The following PEX5L variants were observed in gnomAD, a reference collection of about 807,000 sequenced individuals.
PEX5L encodes the protein peroxisomal biogenesis factor 5 like.
In PEX5L, 30 loss-of-function variants were observed where a neutral mutation model predicts 84.0. The observed-to-expected ratio is 0.36, with a 90% CI of 0.27 to 0.48. The LOEUF is 0.48. Among genes scored for constraint, PEX5L ranks in the 20% least tolerant of loss-of-function variants. The pLI is 0.99. For missense variants in PEX5L, 533 were observed against 754.6 expected (o/e 0.71, Z 3.44); for synonymous variants, 270 against 283.1 (o/e 0.95, Z 0.46).
At chr3:180,014,158 A>G (rs1362617037) in intron 1 of PEX5L, among the ~76,000 whole-genome samples, 1 of 152,218 alleles carries the variant, frequency 6.6e-6, no homozygotes, top group Non-Finnish European at 1.5e-5. Context: ...TTAGAAAATT[A>G]TTAGCTGAGG....
intron 1 of PEX5L, among the ~76,000 whole-genome samples, chr3:180,018,683 A>G (rs1306978004): frequency 6.6e-6 from 1 of 152,180 alleles, no homozygotes; most frequent in African/African-American, 2.4e-5. Context: ...TGCTGCTCTG[A>G]AATGAAAAAT....
chr3:179,977,332 G>A (rs964139544), intron 1 of PEX5L, among the ~76,000 whole-genome samples: 4 of 152,250 alleles, frequency 2.6e-5, no homozygotes, highest in East Asian at 1.9e-4. Context: ...TTAAACGCTC[G>A]TAGAGATACA....
intron 12 of PEX5L, among the ~76,000 whole-genome samples, chr3:179,808,803 C>T (rs1372513229): frequency 1.3e-5 from 2 of 152,000 alleles, no homozygotes; most frequent in African/African-American, 2.4e-5. Flanking sequence ...CTAGGCCGGG[C>T]GTGGTGGCTC....
chr3:179,999,663 G>A (rs1446352871), intron 1 of PEX5L, among the ~76,000 whole-genome samples: 1 of 152,204 alleles, frequency 6.6e-6, no homozygotes, highest in Non-Finnish European at 1.5e-5. Context: ...TGCCTATTCT[G>A]CATGCAATGC....
intron 4 of PEX5L, among the ~76,000 whole-genome samples, chr3:179,883,875 TG>T (rs1754930166): frequency 6.6e-6 from 1 of 152,242 alleles, no homozygotes; most frequent in South Asian, 2.1e-4. Context: ...CTACAGCTCT[TG>T]GAACAGCACT....
At chr3:179,994,362 T>C (rs1190197424) in intron 1 of PEX5L, among the ~76,000 whole-genome samples, 1 of 152,252 alleles carries the variant, frequency 6.6e-6, no homozygotes, top group African/African-American at 2.4e-5. Context: ...GTGTGATGTC[T>C]TCTGGTTGTG....
chr3:179,823,014 T>C (rs1288174524), intron 8 of PEX5L, among the ~76,000 whole-genome samples: 1 of 152,308 alleles, frequency 6.6e-6, no homozygotes, highest in East Asian at 1.9e-4. Flanking sequence ...GGTTAGTTGT[T>C]ATGACAACTA....
In PEX5L at chr3:179,841,981, G is replaced by A. The variant is rs189545037; in HGVS notation, c.822+17081C>T. Among the ~76,000 whole-genome samples the A allele has an allele frequency of 3.8e-4, 58 of 152,258 alleles. No homozygotes were observed. The Middle Eastern group carries it at 0.017, about 45-fold the overall frequency. ...TTCGTCATGTCATAAATGTTCCTTG[G>A]CAGTCAGCATACTTTAGTGGATTTA... On this transcript the variant is annotated intron_variant, in intron 8 of 14. Coordinates refer to ENST00000467460, the MANE Select transcript of PEX5L (RefSeq NM_016559.3).
At chr3:179,865,932 A>C (rs1747970001) in intron 7 of PEX5L, among the ~76,000 whole-genome samples, 1 of 152,172 alleles carries the variant, frequency 6.6e-6, no homozygotes, top group African/African-American at 2.4e-5. Context: ...AATGTACTCT[A>C]ATGTAGGCAT....
At chr3:179,884,438 T>G (rs1755131285) in intron 4 of PEX5L, among the ~76,000 whole-genome samples, 1 of 152,196 alleles carries the variant, frequency 6.6e-6, no homozygotes, top group Admixed American at 6.5e-5. Context: ...CACCAAATTG[T>G]AGGTGCCCTC....
intron 4 of PEX5L, 91 bp downstream of exon 4, chr3:179,887,582 C>T: frequency 1.2e-6 from 1 of 813,286 alleles, no homozygotes; most frequent in Non-Finnish European, 2.1e-6. Context: ...AACGTTCTTT[C>T]CTCACTTAAA....
intron 9 of PEX5L, among the ~76,000 whole-genome samples, chr3:179,816,245 G>A (rs1023287788): frequency 9.2e-5 from 14 of 152,178 alleles, no homozygotes; most frequent in African/African-American, 3.4e-4. Context: ...CCATTACTGA[G>A]TATATACCCA....
intron 1 of PEX5L, chr3:179,973,871 C>G: frequency 1.0e-6 from 1 of 985,484 alleles, no homozygotes; most frequent in Non-Finnish European, 1.2e-6. Context: ...TGTACTTAAA[C>G]CTCTAGTCTC....
intron 8 of PEX5L, among the ~76,000 whole-genome samples, chr3:179,847,425 C>T (rs1189338755): frequency 6.6e-6 from 1 of 151,970 alleles, no homozygotes; most frequent in Non-Finnish European, 1.5e-5. Flanking sequence ...ACGGGTTGCC[C>T]TCATGGAAAA....
At chr3:179,972,272 T>C (rs1316695927) in intron 1 of PEX5L, among the ~76,000 whole-genome samples, 2 of 151,976 alleles carry the variant, frequency 1.3e-5, no homozygotes, top group Non-Finnish European at 2.9e-5. Context: ...TTTAAGAGTT[T>C]ATGTAAATGC....
rs527248975 is a variant in PEX5L, at chr3:179,987,056, A to G, written c.22-15391T>C. Among the ~76,000 whole-genome samples, 83 of 152,234 alleles carry G rather than the reference A, an allele frequency of 5.5e-4. 3 individuals carry two copies. The South Asian group carries it at 0.017, about 31-fold the overall frequency. The stretch of plus-strand genomic sequence containing the variant: ...GCTATGTACCAGTTGTATGGCTTTG[A>G]GCAAATTGTTTACCTTTCTGTGCCT... On this transcript the variant is annotated intron_variant, in intron 1 of 14. Coordinates refer to ENST00000467460, the MANE Select transcript of PEX5L (RefSeq NM_016559.3).
chr3:179,933,802 T>C (rs775349412), intron 2 of PEX5L, among the ~76,000 whole-genome samples: 9 of 152,238 alleles, frequency 5.9e-5, no homozygotes, highest in Non-Finnish European at 1.0e-4. Flanking sequence ...CCCTCAGATA[T>C]TCTGATTCAG....
chr3:180,035,960 T>C (rs375003718), intron 1 of PEX5L, among the ~76,000 whole-genome samples: 10 of 152,220 alleles, frequency 6.6e-5, no homozygotes, highest in African/African-American at 2.4e-4. Flanking sequence ...TCAGCTCAGA[T>C]GAATATTAAT....
intron 2 of PEX5L, among the ~76,000 whole-genome samples, chr3:179,942,308 C>T (rs1776357849): frequency 6.6e-6 from 1 of 152,222 alleles, no homozygotes; most frequent in Non-Finnish European, 1.5e-5. Flanking sequence ...TGTTTTGGAG[C>T]ACTTTGCACC....
Sources: allele counts gnomAD v4.1 joint callset (sites outside exome capture counted in the v4.1 genomes callset), GRCh38; gene constraint gnomAD v4.1.1; transcripts MANE v1.5; gene names NCBI Gene and HGNC (gene_info 2026-07-23, HGNC 2026-07-21).